The following METTL21A variants were observed in gnomAD, a reference collection of about 807,000 sequenced individuals.
The protein encoded by METTL21A is methyltransferase 21A, HSPA lysine.
A neutral mutation model predicts 20.9 loss-of-function variants in METTL21A; 22 were observed. The ratio of observed to expected loss-of-function variants is 1.05; its 90% CI spans 0.75 to 1.50. The LOEUF (loss-of-function observed/expected upper bound fraction) is 1.50. METTL21A is among the 40% of genes most tolerant of loss of function. The probability of loss-of-function intolerance (pLI) is 0.00; values close to 1 mark genes in which losing one functional copy is unlikely to be tolerated. For missense variants in METTL21A, 271 were observed against 266.8 expected (o/e 1.02, Z -0.11); for synonymous variants, 93 against 102.0 (o/e 0.91, Z 0.53).
At chr2:207,623,063 A>C (rs931852407) in intron 2 of METTL21A, among the ~76,000 whole-genome samples, 38 of 152,000 alleles carry the variant, frequency 2.5e-4, no homozygotes, top group African/African-American at 8.9e-4. Context: ...GTGCGCCACC[A>C]CGGCTAATTT....
downstream of METTL21A, chr2:207,612,163 A>C (rs1298267186): frequency 7.6e-6 from 1 of 131,732 alleles, no homozygotes; most frequent in African/African-American, 3.1e-5. Flanking sequence ...ACAATGGTGC[A>C]ATCTCAGCTC....
chr2:207,621,985 T>C, intron 2 of METTL21A, 68 bp from the exon 3 acceptor site: 1 of 1,341,610 alleles, frequency 7.5e-7, no homozygotes, highest in Non-Finnish European at 1.1e-6. Flanking sequence ...GGGTTTCAGG[T>C]CAGCTACACC....
At chr2:207,592,243 T>C (rs770002800) in intron 3 of METTL21A, among the ~76,000 whole-genome samples, 4 of 151,168 alleles carry the variant, frequency 2.6e-5, no homozygotes, top group Non-Finnish European at 5.9e-5. Context: ...CTCTCTCTAC[T>C]AAAAATACAA....
In METTL21A at chr2:207,624,396, T is replaced by A. The variant is rs570588722; in HGVS notation, c.-21A>T. ...GCCATTCCGCCTGCACCCCGCCCTC[T>A]GCTCAGACCTGCCGTGCAAAAGAAT... On this transcript the variant is annotated 5_prime_UTR_variant, in exon 2 of 4. Transcript: ENST00000406927. 12 of 1,607,246 alleles carry A rather than the reference T, an allele frequency of 7.5e-6. No individual in the cohort carries two copies. The East Asian group carries it at 2.7e-4, about 36-fold the overall frequency.
chr2:207,612,292 G>T (rs979145738), downstream of METTL21A: 2 of 151,646 alleles, frequency 1.3e-5, no homozygotes, highest in Non-Finnish European at 2.9e-5. Flanking sequence ...TAGAGATGGG[G>T]TTTCACCATG....
At chr2:207,588,170 T>TA (rs1475418197) in intron 3 of METTL21A, among the ~76,000 whole-genome samples, 2 of 152,232 alleles carry the variant, frequency 1.3e-5, no homozygotes, top group African/African-American at 4.8e-5. Context: ...TGTTTTATGT[T>TA]AGAGTTTTAT....
chr2:207,584,509 T>TA (rs1262804599), intron 3 of METTL21A, among the ~76,000 whole-genome samples: 1 of 152,144 alleles, frequency 6.6e-6, no homozygotes, highest in East Asian at 1.9e-4. Context: ...GTTCAAGAGA[T>TA]TCTCGTGCCT....
chr2:207,613,234 G>T (rs1282510836), exon 4 of METTL21A: 1 of 1,613,260 alleles, frequency 6.2e-7, no homozygotes. Context: ...TCCAGTGTCT[G>T]AAGAAGATCT....
intron 3 of METTL21A, among the ~76,000 whole-genome samples, chr2:207,587,082 G>A (rs1405082876): frequency 6.6e-6 from 1 of 152,106 alleles, no homozygotes; most frequent in Non-Finnish European, 1.5e-5. Context: ...TACGGAAAAC[G>A]GTGTGGAGGT....
intron 1 of METTL21A, chr2:207,625,177 C>G (rs368382030): frequency 1.3e-5 from 2 of 152,230 alleles, no homozygotes; most frequent in South Asian, 4.1e-4. Flanking sequence ...CTTAGGATCC[C>G]CAGGCCATAC....
chr2:207,602,097 T>A (rs898304250), intron 3 of METTL21A: 1 of 205,084 alleles, frequency 4.9e-6, no homozygotes, highest in Non-Finnish European at 1.0e-5. Flanking sequence ...GATAAGTTCT[T>A]ATTGATTAGT....
At chr2:207,621,717 A>G in intron 3 of METTL21A, 89 bp downstream of exon 3, 2 of 1,152,612 alleles carry the variant, frequency 1.7e-6, no homozygotes, top group Middle Eastern at 2.0e-4. Flanking sequence ...CAGTAAGGGG[A>G]AAACCCACGA....
In METTL21A at chr2:207,603,724, G is replaced by A. The variant is rs563052878; in HGVS notation, c.259+18082C>T. Among the ~76,000 whole-genome samples, 23 of 152,240 alleles carry A rather than the reference G, an allele frequency of 1.5e-4. No individual in the cohort carries two copies. In the East Asian group the frequency reaches 3.7e-3, roughly 24 times the overall value. On this transcript the variant is annotated intron_variant, in intron 3 of 3. Coordinates refer to the METTL21A transcript ENST00000425132. ...AGCTGTGTCTGATGTCATAAAACAC[G>A]TGTTCACTGAAAGGACAATAAGACT...
At chr2:207,624,450 AT>A (rs751481543) in intron 1 of METTL21A, 46 bp from the exon 2 acceptor site, 5 of 1,503,812 alleles carry the variant, frequency 3.3e-6, no homozygotes, top group East Asian at 4.8e-5. Flanking sequence ...CAAAAGATAC[AT>A]TATCTGTTCT....
chr2:207,599,158 C>G (rs2086646593), intron 3 of METTL21A: 2 of 196,248 alleles, frequency 1.0e-5, no homozygotes, highest in South Asian at 3.8e-4. Context: ...TCACCAGATT[C>G]TCAAGAAGGC....
At chr2:207,615,224 C>A (rs974432656) in intron 3 of METTL21A, among the ~76,000 whole-genome samples, 11 of 152,128 alleles carry the variant, frequency 7.2e-5, no homozygotes, top group African/African-American at 1.9e-4. Flanking sequence ...GTAATCCAAG[C>A]ACTTTGGGAG....
intron 3 of METTL21A, chr2:207,602,942 T>C (rs2087343912): frequency 4.6e-6 from 1 of 215,642 alleles, no homozygotes; most frequent in Non-Finnish European, 9.3e-6. Flanking sequence ...CTTGAAACTT[T>C]TTAGAAGCAA....
chr2:207,588,675 T>C (rs558189495), intron 3 of METTL21A, among the ~76,000 whole-genome samples: 3 of 151,676 alleles, frequency 2.0e-5, no homozygotes, highest in Admixed American at 6.6e-5. Flanking sequence ...AATCAGCACA[T>C]AGATCCTGTA....
chr2:207,616,301 A>G (rs1020391858), intron 3 of METTL21A, among the ~76,000 whole-genome samples: 6 of 152,264 alleles, frequency 3.9e-5, no homozygotes, highest in Non-Finnish European at 7.3e-5. Flanking sequence ...AGTCATCTGC[A>G]CATCACCTCA....
Sources: allele counts gnomAD v4.1 joint callset (sites outside exome capture counted in the v4.1 genomes callset), GRCh38; gene constraint gnomAD v4.1.1; transcripts MANE v1.5; gene names NCBI Gene and HGNC (gene_info 2026-07-23, HGNC 2026-07-21).